Variants in PDE4B observed in about 807,000 individuals in gnomAD.
The protein encoded by PDE4B is phosphodiesterase 4B, also known as 3',5'-cyclic-AMP phosphodiesterase 4B.
A neutral mutation model predicts 82.2 loss-of-function variants in PDE4B; 20 were observed. The ratio of observed to expected loss-of-function variants is 0.24; its 90% CI spans 0.17 to 0.35. The LOEUF (loss-of-function observed/expected upper bound fraction) is 0.35. Among genes scored for constraint, PDE4B ranks in the 10% least tolerant of loss-of-function variants. PDE4B has a pLI of 1.00. For synonymous variants in PDE4B, 320 were observed against 318.9 expected, an observed-to-expected ratio of 1.00 and a Z score of -0.04; for missense variants, 655 against 907.2, an observed-to-expected ratio of 0.72 and a Z score of 3.57.
intron 1 of PDE4B, among the ~76,000 whole-genome samples, chr1:65,886,957 A>G (rs1374677372): frequency 1.3e-5 from 2 of 152,122 alleles, no homozygotes; most frequent in African/African-American, 4.8e-5. Flanking sequence ...ACTGTTTTTC[A>G]TAGTGTTTTA....
At chr1:65,825,510 A>T (rs1646003305) in intron 1 of PDE4B, among the ~76,000 whole-genome samples, 1 of 152,122 alleles carries the variant, frequency 6.6e-6, no homozygotes, top group African/African-American at 2.4e-5. Context: ...TCACATGTTG[A>T]AAGAGTCTAC....
intron 1 of PDE4B, among the ~76,000 whole-genome samples, chr1:65,893,449 C>A (rs745454536): frequency 1.3e-5 from 2 of 151,972 alleles, no homozygotes; most frequent in Non-Finnish European, 2.9e-5. Flanking sequence ...GCAAGAAGTA[C>A]ACTTTACTCT....
intron 3 of PDE4B, among the ~76,000 whole-genome samples, chr1:66,001,016 A>G (rs1023289153): frequency 4.6e-5 from 7 of 152,336 alleles, no homozygotes; most frequent in African/African-American, 1.4e-4. Flanking sequence ...ATAATCTCCA[A>G]GTACTTGAAA....
chr1:66,372,506 T>A lies in PDE4B; in HGVS notation c.2039T>A (p.Phe680Tyr), dbSNP rs761649702. ...DCQGLMEKFQ[F>Y]ELTLDEEDSE... ...CAGGGTCTGATGGAGAAGTTTCAGT[T>A]TGAACTGACTCTCGATGAGGAAGAT... The change falls in exon 17 of 17, where the codon TTT (phenylalanine) becomes TAT (tyrosine). Residue 680 changes from phenylalanine (F) to tyrosine (Y), a missense_variant. By Grantham distance (22) the Phe-to-Tyr change is conservative. Transcript: ENST00000341517. 4 of 1,613,988 alleles carry A rather than the reference T, an allele frequency of 2.5e-6. No individual in the cohort carries two copies. Among genetic ancestry groups the A allele is most frequent in the Admixed American group, 3.3e-5 (2 of 59,986 alleles).
intron 3 of PDE4B, among the ~76,000 whole-genome samples, chr1:66,221,606 GTAA>G (rs1250395978): frequency 2.2e-4 from 33 of 152,154 alleles, no homozygotes; most frequent in African/African-American, 7.5e-4. Flanking sequence ...AAATCACATA[GTAA>G]TTCAGTGACA....
chr1:66,139,689 G>A (rs1646128833), intron 3 of PDE4B, among the ~76,000 whole-genome samples: 1 of 148,902 alleles, frequency 6.7e-6, no homozygotes, highest in Non-Finnish European at 1.5e-5. Context: ...TAGAAACAAG[G>A]GAGCATTACT....
At chr1:65,947,997 A>G (rs978337205) in intron 3 of PDE4B, among the ~76,000 whole-genome samples, 5 of 148,330 alleles carry the variant, frequency 3.4e-5, no homozygotes, top group African/African-American at 1.2e-4. Context: ...ATATATGCAT[A>G]CATATACATA....
intron 3 of PDE4B, among the ~76,000 whole-genome samples, chr1:66,218,391 A>G (rs1273560070): frequency 6.6e-6 from 1 of 152,154 alleles, no homozygotes. Context: ...CCCCAAAGTT[A>G]CACAATCTCT....
At chr1:65,975,411 G>A (rs181869840) in intron 3 of PDE4B, among the ~76,000 whole-genome samples, 1 of 152,328 alleles carries the variant, frequency 6.6e-6, no homozygotes, top group East Asian at 1.9e-4. Flanking sequence ...ATTTAAAAGG[G>A]AAGTAGAGTG....
chr1:66,061,370 A>G (rs1655575282), intron 3 of PDE4B, among the ~76,000 whole-genome samples: 1 of 151,766 alleles, frequency 6.6e-6, no homozygotes, highest in Non-Finnish European at 1.5e-5. Context: ...GAAGAAACCA[A>G]AGGTCTGATG....
intron 1 of PDE4B, among the ~76,000 whole-genome samples, chr1:65,803,792 G>A (rs1201153892): frequency 6.6e-6 from 1 of 152,172 alleles, no homozygotes; most frequent in African/African-American, 2.4e-5. Context: ...AAAGGCTTTT[G>A]TAATACTGTC....
At chr1:66,091,348 A>G (rs1368589189) in intron 3 of PDE4B, among the ~76,000 whole-genome samples, 2 of 152,076 alleles carry the variant, frequency 1.3e-5, no homozygotes, top group African/African-American at 4.8e-5. Context: ...CTTCACAAAA[A>G]CACAGAAGAA....
chr1:66,101,640 G>T (rs1645226473), intron 3 of PDE4B, among the ~76,000 whole-genome samples: 1 of 152,174 alleles, frequency 6.6e-6, no homozygotes, highest in Admixed American at 6.6e-5. Context: ...CTTTTGAGAA[G>T]TGTCTGTTCA....
intron 3 of PDE4B, among the ~76,000 whole-genome samples, chr1:66,113,958 G>A (rs1416096012): frequency 6.6e-6 from 1 of 152,150 alleles, no homozygotes; most frequent in Non-Finnish European, 1.5e-5. Flanking sequence ...CTACTATTAC[G>A]AATTGCTATG....
chr1:66,102,695 A>G (rs948650203), intron 3 of PDE4B, among the ~76,000 whole-genome samples: 2 of 152,112 alleles, frequency 1.3e-5, no homozygotes, highest in African/African-American at 4.8e-5. Context: ...AAACACAAAT[A>G]TAAGGGATCT....
At chr1:66,093,105 TG>T (rs1557555436) in intron 3 of PDE4B, among the ~76,000 whole-genome samples, 1 of 152,006 alleles carries the variant, frequency 6.6e-6, no homozygotes. Flanking sequence ...ACAGGGTTTG[TG>T]GCATGAATAG....
At chr1:66,301,081 A>C (rs1657859254) in intron 7 of PDE4B, among the ~76,000 whole-genome samples, 1 of 152,184 alleles carries the variant, frequency 6.6e-6, no homozygotes, top group African/African-American at 2.4e-5. Flanking sequence ...TGAGACACTT[A>C]GAAGAAAAGT....
At chr1:66,084,350 A>G (rs181030146) in intron 3 of PDE4B, among the ~76,000 whole-genome samples, 118 of 152,260 alleles carry the variant, frequency 7.7e-4, no homozygotes, top group African/African-American at 2.5e-3. Context: ...CAGTAAATCT[A>G]TATTTGGTAT....
At chr1:65,857,234 G>A (rs1200866778) in intron 1 of PDE4B, among the ~76,000 whole-genome samples, 1 of 152,116 alleles carries the variant, frequency 6.6e-6, no homozygotes, top group African/African-American at 2.4e-5. Context: ...CTTACCCAGA[G>A]TCAAAACCAG....
Sources: gnomAD v4.1 joint callset for allele counts (sites outside exome capture counted in the v4.1 genomes callset) on GRCh38, gnomAD v4.1.1 for gene constraint, MANE v1.5 for transcripts, NCBI Gene and HGNC (gene_info 2026-07-23, HGNC 2026-07-21) for gene names.